The following PRKN variants were observed in gnomAD, a reference collection of about 807,000 sequenced individuals.
The protein encoded by PRKN is parkin RBR E3 ubiquitin protein ligase, also known as E3 ubiquitin-protein ligase parkin.
PRKN carries 56 observed loss-of-function variants against 59.5 expected under a neutral mutation model. The observed-to-expected ratio is 0.94, with a 90% CI of 0.76 to 1.18. The LOEUF (loss-of-function observed/expected upper bound fraction) is 1.18, where lower values mean the gene tolerates loss of function less well. PRKN is among the 50% of genes most tolerant of loss of function. The pLI, the probability that PRKN is intolerant of heterozygous loss-of-function variation, is 0.00. For missense variants in PRKN, 657 were observed against 596.4 expected, an observed-to-expected ratio of 1.10 and a Z score of -1.06; for synonymous variants, 250 against 222.1, an observed-to-expected ratio of 1.13 and a Z score of -1.12.
At position 162,044,239 on chromosome 6, in the gene PRKN, T is replaced by A. The variant is rs575896329; in HGVS notation, c.618+9852A>T. Reference sequence around the variant, plus strand: ...CTGCTGTCTCAGCCTTTGAAACACCTAAACTTCAACATGCTGAGATTACGC... The same window carrying A: ...CTGCTGTCTCAGCCTTTGAAACACCAAAACTTCAACATGCTGAGATTACGC... On this transcript the variant is annotated intron_variant, in intron 5 of 11. Coordinates refer to ENST00000366898, the MANE Select transcript of PRKN (RefSeq NM_004562.3). 1.0e-3 allele frequency among the ~76,000 whole-genome samples: 154 copies of A among 152,336 alleles called. 1 individual carries two copies. Among genetic ancestry groups the A allele is most frequent in the Non-Finnish European group, 1.6e-3 (110 of 68,040 alleles).
At chr6:162,523,237 A>G (rs1778144941) in intron 1 of PRKN, among the ~76,000 whole-genome samples, 1 of 152,218 alleles carries the variant, frequency 6.6e-6, no homozygotes, top group South Asian at 2.1e-4. Flanking sequence ...TTCACAGGAC[A>G]GTGGGAGTCA....
At chr6:162,124,923 C>T (rs914419947) in intron 4 of PRKN, among the ~76,000 whole-genome samples, 2 of 152,092 alleles carry the variant, frequency 1.3e-5, no homozygotes, top group African/African-American at 4.8e-5. Flanking sequence ...AATGAAATCC[C>T]TCAGTCAAGT....
chr6:162,480,803 T>C (rs1218761567), intron 1 of PRKN, among the ~76,000 whole-genome samples: 1 of 152,074 alleles, frequency 6.6e-6, no homozygotes, highest in Non-Finnish European at 1.5e-5. Flanking sequence ...CAGTGTATTT[T>C]AACTGATTCT....
Position 161,696,215 on chromosome 6 carries a change from T to C in PRKN, c.871+89557A>G, listed in dbSNP as rs561837568. Among the ~76,000 whole-genome samples, 66 of 152,314 alleles carry C rather than the reference T, an allele frequency of 4.3e-4. 1 individual carries two copies. In the South Asian group the frequency reaches 0.013, roughly 30 times the overall value. On this transcript the variant is annotated intron_variant, in intron 7 of 11. Transcript: ENST00000366898. ...ATAGAATTTTGGAAAACCATTTTTT[T>C]CCCATAGTTAAGAGACCCCATTCTT...
At chr6:162,699,001 T>C (rs1778061922) in intron 1 of PRKN, among the ~76,000 whole-genome samples, 1 of 152,122 alleles carries the variant, frequency 6.6e-6, no homozygotes, top group Admixed American at 6.5e-5. Context: ...TAAAAGGGTT[T>C]TGTTAATCAT....
chr6:161,622,068 C>T (rs9458319), intron 7 of PRKN, among the ~76,000 whole-genome samples: 43,500 of 151,828 alleles, frequency 0.29, 6,573 homozygotes, highest in Middle Eastern at 0.48. Flanking sequence ...TTAGGCCCCC[C>T]GTCTCCAACT....
At chr6:161,815,595 A>G (rs1791741430) in intron 6 of PRKN, among the ~76,000 whole-genome samples, 1 of 152,240 alleles carries the variant, frequency 6.6e-6, no homozygotes, top group Non-Finnish European at 1.5e-5. Flanking sequence ...ATGGTTTTCA[A>G]GACAGTGACA....
chr6:162,245,940 C>G (rs560886952), intron 3 of PRKN, among the ~76,000 whole-genome samples: 1 of 152,200 alleles, frequency 6.6e-6, no homozygotes, highest in East Asian at 1.9e-4. Flanking sequence ...AAATCATATG[C>G]CCACTGGGGA....
chr6:162,523,864 T>A (rs1778171182), intron 1 of PRKN, among the ~76,000 whole-genome samples: 1 of 151,614 alleles, frequency 6.6e-6, no homozygotes, highest in African/African-American at 2.4e-5. Context: ...AAAGAAATTA[T>A]GTTTAAAAAA....
chr6:162,141,391 G>T (rs1284739112), intron 4 of PRKN, among the ~76,000 whole-genome samples: 2 of 151,848 alleles, frequency 1.3e-5, no homozygotes, highest in African/African-American at 4.8e-5. Context: ...TTTTTCAATG[G>T]GTTTTGATAA....
At chr6:162,568,463 C>A in intron 1 of PRKN, 1 of 634,566 alleles carries the variant, frequency 1.6e-6, no homozygotes. Context: ...TGGGTGGAGG[C>A]TCTGGTGGGG....
Position 162,021,271 on chromosome 6 carries a change from TA to T in PRKN, c.618+32819del, listed in dbSNP as rs1783175259. On this transcript the variant is annotated intron_variant, in intron 5 of 11. Coordinates refer to ENST00000366898, the MANE Select transcript of PRKN (RefSeq NM_004562.3). ...CTTAATTGATAAGAAAACAGATAAT[TA>T]AACTATCATATAAAACCACACTTAA... Among the ~76,000 whole-genome samples, 8 of 105,938 alleles carry T rather than the reference TA, an allele frequency of 7.6e-5. No homozygotes were observed. In the Admixed American group the frequency reaches 9.6e-4, roughly 13 times the overall value. 69.5% of individuals were successfully genotyped at this position (105,938 alleles called of 152,430 possible).
Position 162,304,528 on chromosome 6 carries a change from T to TCTATCTATCTATCTATC in PRKN, c.172-41764_172-41763insGATAGATAGATAGATAG, listed in dbSNP as rs1554297805. 6.4e-5 allele frequency among the ~76,000 whole-genome samples: 9 copies of TCTATCTATCTATCTATC among 141,582 alleles called. 1 individual carries two copies. Among genetic ancestry groups the TCTATCTATCTATCTATC allele is most frequent in the African/African-American group, 2.2e-4 (8 of 36,254 alleles). 92.9% of individuals were successfully genotyped at this position (141,582 alleles called of 152,430 possible). A position where few individuals can be genotyped will look rare whatever the true frequency, so the allele number is the denominator to read the frequency against. ...CTATCTATCTATCTATCTATCTATC[T>TCTATCTATCTATCTATC]ATCTATCTATCTATCTATTTATCCA... On this transcript the variant is annotated intron_variant, in intron 2 of 11. Transcript: ENST00000366898.
At chr6:161,543,988 T>C (rs1779708573) in intron 9 of PRKN, among the ~76,000 whole-genome samples, 1 of 152,214 alleles carries the variant, frequency 6.6e-6, no homozygotes, top group Non-Finnish European at 1.5e-5. Context: ...ATGAATTCTT[T>C]AGGAAATCAA....
chr6:162,283,422 G>C (rs1199527410), intron 2 of PRKN, among the ~76,000 whole-genome samples: 1 of 152,128 alleles, frequency 6.6e-6, no homozygotes, highest in East Asian at 1.9e-4. Context: ...AGAATTCTTT[G>C]TGAGTGCTCC....
chr6:162,092,343 G>A (rs1323428444), intron 4 of PRKN, among the ~76,000 whole-genome samples: 1 of 151,558 alleles, frequency 6.6e-6, no homozygotes, highest in Non-Finnish European at 1.5e-5. Flanking sequence ...GACAGAGTGA[G>A]TCTAATGAAA....
intron 4 of PRKN, among the ~76,000 whole-genome samples, chr6:162,116,485 C>T (rs112764997): frequency 6.6e-6 from 1 of 152,292 alleles, no homozygotes; most frequent in African/African-American, 2.4e-5. Context: ...CCTGGCCTCA[C>T]GGACTTTTTG....
rs1787443815 is a variant in PRKN, at chr6:161,409,936, A to T, written c.1084-23059T>A. On this transcript the variant is annotated intron_variant, in intron 9 of 11. Coordinates refer to ENST00000366898, the MANE Select transcript of PRKN (RefSeq NM_004562.3). This position sits in a 1 kb window ranked among gnomAD's most constrained non-coding sequence, Gnocchi z 4.6. ...CTTTTCAGGTGAGAAGCAGAATTGG[A>T]AAATATTTCAGGGAGTATTTGAAAC... Among the ~76,000 whole-genome samples the T allele has an allele frequency of 6.6e-6, 1 of 152,174 alleles. No individual in the cohort carries two copies. The highest frequency in any genetic ancestry group is 2.4e-5 in the African/African-American group (1 of 41,430).
intron 1 of PRKN, among the ~76,000 whole-genome samples, chr6:162,716,332 C>T (rs146166192): frequency 3.3e-3 from 502 of 152,284 alleles, no homozygotes; most frequent in Admixed American, 6.9e-3. Flanking sequence ...TACAAGATTT[C>T]GCTCTTTCGT....
Sources: allele counts gnomAD v4.1 joint callset (sites outside exome capture counted in the v4.1 genomes callset), GRCh38; gene constraint gnomAD v4.1.1; non-coding constraint Gnocchi (gnomAD v3.1); transcripts MANE v1.5; gene names NCBI Gene and HGNC (gene_info 2026-07-23, HGNC 2026-07-21).